Variants in TC2N observed in about 807,000 individuals in gnomAD.
The protein encoded by TC2N is tandem C2 domains, nuclear.
Under a neutral mutation model 61.9 loss-of-function variants are expected in TC2N, and 51 were observed. The ratio of observed to expected loss-of-function variants is 0.82; its 90% CI spans 0.66 to 1.04. The LOEUF is 1.04. Ranked by LOEUF, TC2N falls within the 50% of genes least tolerant of loss-of-function variation. TC2N has a pLI of 0.00. For synonymous variants in TC2N, 204 were observed against 192.6 expected (o/e 1.06, Z -0.49); for missense variants, 556 against 566.7 (o/e 0.98, Z 0.19).
chr14:91,858,033 A>G (rs920028417), intron 1 of TC2N, among the ~76,000 whole-genome samples: 2 of 152,108 alleles, frequency 1.3e-5, no homozygotes, highest in African/African-American at 4.8e-5. Flanking sequence ...TGGTGCCATC[A>G]TGGCTCATTG....
intron 8 of TC2N, among the ~76,000 whole-genome samples, chr14:91,793,692 T>A (rs1885766981): frequency 6.6e-6 from 1 of 152,122 alleles, no homozygotes; most frequent in Non-Finnish European, 1.5e-5. Context: ...AATCGATAAA[T>A]ATGTGTGTTC....
intron 1 of TC2N, among the ~76,000 whole-genome samples, chr14:91,853,619 C>A (rs1020721511): frequency 8.1e-6 from 1 of 123,808 alleles, no homozygotes; most frequent in Non-Finnish European, 1.7e-5. Flanking sequence ...TCACTGAATT[C>A]TCTGCTTGGA....
At position 91,820,297 on chromosome 14, in the gene TC2N, C is replaced by T. The variant is rs185688670; in HGVS notation, c.-56-6472G>A. Among the ~76,000 whole-genome samples, 9 of 152,060 alleles carry T rather than the reference C, an allele frequency of 5.9e-5. No homozygotes were observed. In the East Asian group the frequency reaches 1.7e-3, roughly 29 times the overall value. On this transcript the variant is annotated intron_variant, in intron 1 of 11. Transcript: ENST00000435962. Reference sequence around the variant, plus strand: ...TATCATAACCAAGCAAGATTTATCCCAGGATTGCAAGATTAGTTTAACATC... The same window carrying T: ...TATCATAACCAAGCAAGATTTATCCTAGGATTGCAAGATTAGTTTAACATC...
At chr14:91,847,347 C>A (rs144835529) in intron 1 of TC2N, among the ~76,000 whole-genome samples, 3 of 152,094 alleles carry the variant, frequency 2.0e-5, no homozygotes, top group Non-Finnish European at 2.9e-5. Context: ...AAAGCTGGAA[C>A]CTGTGTCCTC....
intron 1 of TC2N, among the ~76,000 whole-genome samples, chr14:91,818,687 TA>T (rs1216433686): frequency 6.6e-6 from 1 of 152,080 alleles, no homozygotes; most frequent in Non-Finnish European, 1.5e-5. Flanking sequence ...TGGACGATAT[TA>T]AAAAGACCCA....
intron 1 of TC2N, among the ~76,000 whole-genome samples, chr14:91,845,705 C>A (rs1413973335): frequency 6.6e-6 from 1 of 152,186 alleles, no homozygotes; most frequent in Non-Finnish European, 1.5e-5. Flanking sequence ...AGTGCAGGAC[C>A]TAAGGTAGCC....
intron 1 of TC2N, among the ~76,000 whole-genome samples, chr14:91,849,318 G>GA (rs368440929): frequency 2.1e-4 from 31 of 147,054 alleles, no homozygotes; most frequent in African/African-American, 3.7e-4. Flanking sequence ...ACTGTAACTA[G>GA]AAAAAAAAAA....
At chr14:91,829,175 T>C (rs937624604) in intron 1 of TC2N, among the ~76,000 whole-genome samples, 1 of 152,138 alleles carries the variant, frequency 6.6e-6, no homozygotes, top group Admixed American at 6.5e-5. Flanking sequence ...TGGAAATTCA[T>C]TGAGATTCTT....
intron 1 of TC2N, among the ~76,000 whole-genome samples, chr14:91,830,150 T>G (rs1887688219): frequency 1.3e-5 from 2 of 152,278 alleles, no homozygotes; most frequent in East Asian, 3.9e-4. Flanking sequence ...CCTCAAACAC[T>G]TCACACAGAG....
At position 91,812,492 on chromosome 14, in the gene TC2N, T is replaced by A; in HGVS notation, c.121A>T (p.Ile41Phe). The change falls in exon 3 of 12, where the codon ATC becomes TTC. Residue 41 changes from isoleucine to phenylalanine, a missense_variant. Physicochemically the swap from Ile to Phe is conservative, Grantham distance 21. Transcript: ENST00000435962. The stretch of plus-strand genomic sequence containing the variant: ...ACAGAAGTCAATGGAGGTACAGAGA[T>A]AGTAGCATTTTGACTATTTGGGACT... ...AAVPNSQNAT[I>F]SVPPLTSVSV... 1 of 1,609,396 alleles carries A rather than the reference T, an allele frequency of 6.2e-7. No individual in the cohort carries two copies. The highest frequency in any genetic ancestry group is 8.5e-7 in the Non-Finnish European group (1 of 1,176,804).
At chr14:91,785,095 T>TTAAA in intron 11 of TC2N, 67 bp downstream of exon 11, 2 of 1,091,190 alleles carry the variant, frequency 1.8e-6, no homozygotes, top group Non-Finnish European at 2.7e-6. Context: ...TTATCCTGTA[T>TTAAA]TCCCTTTGTT....
chr14:91,796,910 G>A (rs1405637473), intron 8 of TC2N, among the ~76,000 whole-genome samples: 1 of 152,066 alleles, frequency 6.6e-6, no homozygotes, highest in Admixed American at 6.6e-5. Flanking sequence ...TCCTCTGTAT[G>A]ACACATTTGA....
In TC2N at chr14:91,792,468, G is replaced by T. The variant is rs745701285; in HGVS notation, c.946C>A (p.Pro316Thr). ...CATTCTCCAATGGTTTTCTTCCTGG[G>T]AGTCTGGGTTTGAATCTTAAATACA... The part of the protein sequence containing the change: ...RLVFKIQTQT[P>T]RKKTIGECSM... Residue 316 changes from proline (P) to threonine (T), a missense_variant, in exon 9 of 12, where the codon CCC becomes ACC. By Grantham distance (38) the Pro-to-Thr change is conservative. Transcript: ENST00000435962. 1.6e-5 allele frequency: 26 copies of T among 1,611,288 alleles called. No homozygotes were observed. The highest frequency in any genetic ancestry group is 2.2e-5 in the Non-Finnish European group (26 of 1,178,174).
chr14:91,826,212 C>T (rs538042032), intron 1 of TC2N, among the ~76,000 whole-genome samples: 193 of 150,362 alleles, frequency 1.3e-3, no homozygotes, highest in African/African-American at 4.6e-3. Flanking sequence ...TCCAGTTACA[C>T]GGGAAGCTGA....
chr14:91,798,864 AATTT>A (rs1044897559), intron 6 of TC2N, 121 bp downstream of exon 6: 5 of 614,940 alleles, frequency 8.1e-6, no homozygotes, highest in Non-Finnish European at 1.4e-5. Flanking sequence ...ATTTAGACTT[AATTT>A]ATTATATCAA....
At chr14:91,804,129 C>G (rs1886391669) in intron 3 of TC2N, among the ~76,000 whole-genome samples, 1 of 152,082 alleles carries the variant, frequency 6.6e-6, no homozygotes, top group Non-Finnish European at 1.5e-5. Flanking sequence ...AAGTTGAAAA[C>G]CCAAGGAAAT....
At chr14:91,846,946 A>C (rs1186410207) in intron 1 of TC2N, among the ~76,000 whole-genome samples, 1 of 152,042 alleles carries the variant, frequency 6.6e-6, no homozygotes, top group Non-Finnish European at 1.5e-5. Context: ...ATAACAGAAA[A>C]CCCAATTCGA....
chr14:91,841,337 C>T (rs1335684471), intron 1 of TC2N, among the ~76,000 whole-genome samples: 1 of 152,230 alleles, frequency 6.6e-6, no homozygotes, highest in Non-Finnish European at 1.5e-5. Context: ...CTGCATTCTT[C>T]TGGACCCACA....
At chr14:91,835,657 T>C (rs912792013) in intron 1 of TC2N, among the ~76,000 whole-genome samples, 1 of 152,116 alleles carries the variant, frequency 6.6e-6, no homozygotes, top group African/African-American at 2.4e-5. Context: ...CTGGAAGAAA[T>C]AGAAGTCAAA....
Sources: gnomAD v4.1 joint callset for allele counts (sites outside exome capture counted in the v4.1 genomes callset) on GRCh38, gnomAD v4.1.1 for gene constraint, MANE v1.5 for transcripts, NCBI Gene and HGNC (gene_info 2026-07-23, HGNC 2026-07-21) for gene names.